PCDHA8: variants seen among roughly 807,000 people sequenced by gnomAD.
The protein encoded by PCDHA8 is protocadherin alpha-8.
A neutral mutation model predicts 61.8 loss-of-function variants in PCDHA8; 53 were observed. That is an observed-to-expected ratio of 0.86 (90% CI 0.69 to 1.08). The LOEUF (loss-of-function observed/expected upper bound fraction) is 1.08. Ranked by LOEUF, PCDHA8 falls within the 50% of genes least tolerant of loss-of-function variation. The pLI is 0.00. For missense variants in PCDHA8, 1,293 were observed against 1,245.0 expected (o/e 1.04, Z -0.58); for synonymous variants, 618 against 556.6 (o/e 1.11, Z -1.55).
At chr5:140,892,758 A>G (rs936927643) in intron 1 of PCDHA8, among the ~76,000 whole-genome samples, 2 of 152,210 alleles carry the variant, frequency 1.3e-5, no homozygotes, top group Non-Finnish European at 2.9e-5. Flanking sequence ...AACATTTAAA[A>G]TCCACTCTTC....
chr5:140,957,473 G>A (rs1307847703), intron 1 of PCDHA8, among the ~76,000 whole-genome samples: 1 of 151,954 alleles, frequency 6.6e-6, no homozygotes, highest in Non-Finnish European at 1.5e-5. Context: ...GTATGTATAG[G>A]AAAAAACATA....
At chr5:140,960,065 C>G (rs953730101) in intron 1 of PCDHA8, among the ~76,000 whole-genome samples, 1 of 152,120 alleles carries the variant, frequency 6.6e-6, no homozygotes, top group Non-Finnish European at 1.5e-5. Flanking sequence ...ACAGAAGATT[C>G]AATTGAAGTT....
chr5:140,873,821 T>C (rs562633), intron 1 of PCDHA8, among the ~76,000 whole-genome samples: 2,262 of 152,230 alleles, frequency 0.015, 53 homozygotes, highest in African/African-American at 0.052. Context: ...CCACCACTCC[T>C]GGCTAATTTT....
intron 1 of PCDHA8, chr5:140,926,357 A>G (rs1385567779): frequency 1.3e-5 from 2 of 152,178 alleles, no homozygotes; most frequent in Admixed American, 6.5e-5. Flanking sequence ...GCGGCTCCCA[A>G]AGGGCGGCAG....
rs1349053689 is a variant in PCDHA8 at position 140,855,989 on chromosome 5, A to C, written c.2394+12274A>C. The C allele has an allele frequency of 3.4e-6, 5 of 1,484,810 alleles. No homozygotes were observed. The African/African-American group carries it at 7.0e-5, about 21-fold the overall frequency. The allele number at this position is 1,484,810 out of a possible 1,614,324, so 92.0% of individuals were successfully genotyped here. ...TATAAGAAATAGGACAGAAAATGTCAGATCGTATGTGCGTTCTAGACCGCT... is the reference window on the plus strand; with the variant it reads ...TATAAGAAATAGGACAGAAAATGTCCGATCGTATGTGCGTTCTAGACCGCT... On this transcript the variant is annotated intron_variant, in intron 1 of 3. Transcript: ENST00000531613.
intron 1 of PCDHA8, chr5:140,930,101 G>A (rs782338185): frequency 9.2e-5 from 14 of 152,094 alleles, no homozygotes; most frequent in Non-Finnish European, 1.6e-4. Context: ...TATACTGATA[G>A]GAGATCATAT....
intron 1 of PCDHA8, chr5:140,870,635 C>T (rs1365729454): frequency 1.9e-6 from 3 of 1,612,850 alleles, no homozygotes; most frequent in Non-Finnish European, 2.5e-6. Flanking sequence ...TCGGTGCACG[C>T]GGAGAGCGGC....
intron 1 of PCDHA8, among the ~76,000 whole-genome samples, chr5:140,944,351 C>A (rs530648518): frequency 6.6e-6 from 1 of 152,198 alleles, no homozygotes; most frequent in South Asian, 2.1e-4. Context: ...CCACACCTGG[C>A]TAATTTTTAA....
At chr5:140,882,688 AATC>A in intron 1 of PCDHA8, 1 of 1,614,196 alleles carries the variant, frequency 6.2e-7, no homozygotes, top group South Asian at 1.1e-5. Context: ...AGAAACGAAT[AATC>A]ATTGCAGAAT....
intron 1 of PCDHA8, among the ~76,000 whole-genome samples, chr5:140,908,540 G>T (rs1562965244): frequency 6.6e-6 from 1 of 152,150 alleles, no homozygotes; most frequent in African/African-American, 2.4e-5. Flanking sequence ...TTCCACCAAA[G>T]CCCAGTAATA....
chr5:140,950,874 G>C (rs1237864508), intron 1 of PCDHA8, among the ~76,000 whole-genome samples: 20 of 151,700 alleles, frequency 1.3e-4, no homozygotes, highest in African/African-American at 4.8e-4. Flanking sequence ...ATTCTATATT[G>C]TTCAATAGGT....
intron 1 of PCDHA8, among the ~76,000 whole-genome samples, chr5:140,916,821 C>T (rs2077744344): frequency 6.6e-6 from 1 of 152,170 alleles, no homozygotes; most frequent in African/African-American, 2.4e-5. Flanking sequence ...TGTGCCACCC[C>T]TATCCCTCTG....
intron 1 of PCDHA8, among the ~76,000 whole-genome samples, chr5:140,847,109 G>T (rs1267875417): frequency 6.7e-6 from 1 of 149,752 alleles, no homozygotes; most frequent in Admixed American, 6.7e-5. Context: ...CACACAGTCT[G>T]CAGAGAATGA....
At chr5:140,957,252 A>C (rs557518275) in intron 1 of PCDHA8, among the ~76,000 whole-genome samples, 80 of 152,330 alleles carry the variant, frequency 5.3e-4, no homozygotes, top group African/African-American at 1.9e-3. Context: ...CCTAAAATTT[A>C]AATATGTAAG....
chr5:140,988,051 T>C (rs903060920), intron 3 of PCDHA8, among the ~76,000 whole-genome samples: 2 of 152,240 alleles, frequency 1.3e-5, no homozygotes, highest in African/African-American at 2.4e-5. Flanking sequence ...TTAGGAGCAC[T>C]GTCAACATGA....
At chr5:140,876,635 C>T (rs1554168754) in intron 1 of PCDHA8, 1 of 1,614,208 alleles carries the variant, frequency 6.2e-7, no homozygotes, top group East Asian at 2.2e-5. Flanking sequence ...GTCATCTGCT[C>T]ACTGACACCT....
intron 1 of PCDHA8, among the ~76,000 whole-genome samples, chr5:140,955,093 G>A (rs1554221774): frequency 6.6e-6 from 1 of 152,118 alleles, no homozygotes; most frequent in African/African-American, 2.4e-5. Flanking sequence ...TAGGTGTGTG[G>A]TGTTATTTCT....
chr5:140,948,267 A>C (rs964252489), intron 1 of PCDHA8, among the ~76,000 whole-genome samples: 1 of 151,646 alleles, frequency 6.6e-6, no homozygotes, highest in South Asian at 2.1e-4. Context: ...GTGTTCATGT[A>C]GAATATCTGT....
Position 140,950,516 on chromosome 5 carries a change from G to A in PCDHA8, c.2395-28433G>A, listed in dbSNP as rs184772904. ...ATTTAAGTCATTATTCCCTGTGTGCGATATGATTGTTTTTGTTGCTCTTGC... is the reference window on the plus strand; with the variant it reads ...ATTTAAGTCATTATTCCCTGTGTGCAATATGATTGTTTTTGTTGCTCTTGC... On this transcript the variant is annotated intron_variant, in intron 1 of 3. Coordinates refer to ENST00000531613, the MANE Select transcript of PCDHA8 (RefSeq NM_018911.3). Among the ~76,000 whole-genome samples, 6 of 152,110 alleles carry A rather than the reference G, an allele frequency of 3.9e-5. No individual in the cohort carries two copies. The East Asian group carries it at 9.6e-4, about 24-fold the overall frequency.
Sources: allele counts gnomAD v4.1 joint callset (sites outside exome capture counted in the v4.1 genomes callset), GRCh38; gene constraint gnomAD v4.1.1; transcripts MANE v1.5; gene names NCBI Gene and HGNC (gene_info 2026-07-23, HGNC 2026-07-21).